Variants in KIAA0586 observed in about 807,000 individuals in gnomAD.
KIAA0586 encodes protein TALPID3.
A neutral mutation model predicts 169.8 loss-of-function variants in KIAA0586; 144 were observed. The observed-to-expected ratio is 0.85, with a 90% CI of 0.74 to 0.97. The LOEUF (loss-of-function observed/expected upper bound fraction) is 0.97. KIAA0586 is among the 50% of genes least tolerant of loss of function. The pLI is 0.00. For synonymous variants in KIAA0586, 625 were observed against 612.4 expected (o/e 1.02, Z -0.30); for missense variants, 1,854 against 1,823.0 (o/e 1.02, Z -0.31).
At chr14:58,525,835 A>G (rs992396907) in intron 29 of KIAA0586, among the ~76,000 whole-genome samples, 3 of 152,206 alleles carry the variant, frequency 2.0e-5, no homozygotes, top group Non-Finnish European at 4.4e-5. Flanking sequence ...CTGCCAGCAC[A>G]GCAGTCTGAA....
chr14:58,470,743 C>A lies in KIAA0586; in HGVS notation c.2553+20C>A. ...ATAAAGGTATATTTCAGAATTTTAT[C>A]ATATTATTTTGAGTAATGTCTGACT... On this transcript the variant is annotated intron_variant, in intron 17 of 30. Coordinates refer to ENST00000652326, the MANE Select transcript of KIAA0586 (RefSeq NM_001329943.3). 1 of 1,270,928 alleles carries A rather than the reference C, an allele frequency of 7.9e-7. No individual in the cohort carries two copies. Among genetic ancestry groups the A allele is most frequent in the Non-Finnish European group, 1.1e-6 (1 of 870,998 alleles). The allele number at this position is 1,270,928 out of a possible 1,614,324, so 78.7% of individuals were successfully genotyped here. A position where few individuals can be genotyped will look rare whatever the true frequency, so the allele number is the denominator to read the frequency against.
At chr14:58,441,458 C>A in intron 4 of KIAA0586, 1 of 238,534 alleles carries the variant, frequency 4.2e-6, no homozygotes, top group Non-Finnish European at 9.1e-6. Flanking sequence ...ACCTTGGCCT[C>A]CCAAAGTGCT....
chr14:58,493,619 G>C (rs551800559), intron 26 of KIAA0586, among the ~76,000 whole-genome samples: 14 of 152,136 alleles, frequency 9.2e-5, no homozygotes, highest in African/African-American at 3.4e-4. Context: ...GGTAGGAGAA[G>C]ATATAAAATT....
At chr14:58,487,783 T>C (rs2042563631) in intron 22 of KIAA0586, 104 bp from the exon 23 acceptor site, 2 of 653,338 alleles carry the variant, frequency 3.1e-6, no homozygotes, top group Admixed American at 2.9e-5. Context: ...CCATTATTTG[T>C]GTGCTAAAAT....
intron 29 of KIAA0586, among the ~76,000 whole-genome samples, chr14:58,519,831 T>A (rs1734103643): frequency 6.6e-6 from 1 of 152,178 alleles, no homozygotes; most frequent in African/African-American, 2.4e-5. Context: ...CAAACAACAT[T>A]TAATTCTGTT....
chr14:58,521,897 G>A (rs1476926532), intron 29 of KIAA0586: 2 of 1,323,870 alleles, frequency 1.5e-6, no homozygotes, highest in Non-Finnish European at 2.2e-6. Flanking sequence ...ATGAAGATGG[G>A]GGATGACCAG....
chr14:58,450,782 G>A, intron 8 of KIAA0586, 36 bp downstream of exon 8: 1 of 1,383,722 alleles, frequency 7.2e-7, no homozygotes, highest in Non-Finnish European at 1.0e-6. Context: ...TCCCAAATTA[G>A]GAAATTGTCA....
chr14:58,517,030 T>C (rs1284966828), intron 29 of KIAA0586, among the ~76,000 whole-genome samples: 1 of 152,132 alleles, frequency 6.6e-6, no homozygotes, highest in African/African-American at 2.4e-5. Context: ...AGCCTAAAAC[T>C]ACAAAACTTC....
intron 27 of KIAA0586, among the ~76,000 whole-genome samples, chr14:58,502,537 T>C (rs973851670): frequency 1.3e-5 from 2 of 152,126 alleles, no homozygotes; most frequent in Non-Finnish European, 2.9e-5. Context: ...ACTTAAGAGG[T>C]GACTTTTAAA....
At chr14:58,429,497 C>A in intron 2 of KIAA0586, 64 bp downstream of exon 2, 1 of 899,264 alleles carries the variant, frequency 1.1e-6, no homozygotes, top group Non-Finnish European at 1.9e-6. Flanking sequence ...ATAATGCATT[C>A]TTAAATTATG....
rs1187194371 is a variant in KIAA0586, at chr14:58,517,938, A to G, written c.4429+5311A>G. 2.6e-5 allele frequency among the ~76,000 whole-genome samples: 4 copies of G among 152,360 alleles called. No individual in the cohort carries two copies. In the East Asian group the frequency reaches 5.8e-4, roughly 22 times the overall value. ...AAAATTTATTGGAAAAGGCAAAACT[A>G]TAGATATGGAGAACAGGTCAGTGGT... On this transcript the variant is annotated intron_variant, in intron 29 of 30. Transcript: ENST00000652326.
intron 26 of KIAA0586, among the ~76,000 whole-genome samples, chr14:58,496,977 T>G (rs2043196706): frequency 2.6e-3 from 1 of 388 alleles, no homozygotes; most frequent in African/African-American, 3.3e-3. Context: ...TTAAAACAAT[T>G]TTTTTTTTTT....
intron 3 of KIAA0586, 114 bp downstream of exon 3, chr14:58,430,831 T>C: frequency 1.7e-6 from 1 of 602,034 alleles, no homozygotes; most frequent in Non-Finnish European, 2.9e-6. Flanking sequence ...TGTTGTACAA[T>C]CATCATCACC....
At chr14:58,560,608 T>C in the KIAA0586 span, among the ~76,000 whole-genome samples, 1 of 152,206 alleles carries the variant, frequency 6.6e-6, no homozygotes, top group Non-Finnish European at 1.5e-5. Context: ...TATATGAGCC[T>C]GAAAAAGGCC....
rs1332670556 is a variant in KIAA0586 at position 58,458,259 on chromosome 14, GATGAAAACTAATACC to G, written c.1584-205_1584-191del. 2.6e-5 allele frequency among the ~76,000 whole-genome samples: 4 copies of G among 152,042 alleles called. No individual in the cohort carries two copies. The East Asian group carries it at 7.7e-4, about 29-fold the overall frequency. ...TCAAACATTTATCCTTCAAATATTT[GATGAAAACTAATACC>G]ATGAAAACAAATAGCAAAGGTTTTT... On this transcript the variant is annotated intron_variant, in intron 11 of 30. Transcript: ENST00000652326.
chr14:58,450,702 A>C lies in KIAA0586; in HGVS notation c.1085A>C (p.Asn362Thr), dbSNP rs1262781531. ...SRDDELSKRE[N>T]LLEEKENMEV... ...GATGATGAACTATCAAAGAGGGAAAATCTTTTGGAAGAAAAAGAAAATATG... is the reference window on the plus strand; with the variant it reads ...GATGATGAACTATCAAAGAGGGAAACTCTTTTGGAAGAAAAAGAAAATATG... Residue 362 changes from asparagine to threonine, a missense_variant, in exon 8 of 31, where the codon AAT becomes ACT. Transcript: ENST00000652326. 6.2e-7 allele frequency: 1 copy of C among 1,609,068 alleles called. No homozygotes were observed. The highest frequency in any genetic ancestry group is 8.5e-7 in the Non-Finnish European group (1 of 1,175,808).
At chr14:58,484,901 T>TATTTATATATATTTTTATATATATATAA (rs2042298417) in intron 21 of KIAA0586, among the ~76,000 whole-genome samples, 1 of 4,954 alleles carries the variant, frequency 2.0e-4, no homozygotes, top group Non-Finnish European at 4.3e-4. Flanking sequence ...TATATATATA[T>TATTTATATATATTTTTATATATATATAA]ATATATATAT....
intron 29 of KIAA0586, among the ~76,000 whole-genome samples, chr14:58,523,822 C>T (rs958010788): frequency 3.8e-4 from 58 of 151,780 alleles, no homozygotes; most frequent in African/African-American, 1.3e-3. Flanking sequence ...CCTTGGCCTC[C>T]GTAAGTGCTG....
chr14:58,521,683 A>T, intron 29 of KIAA0586: 1 of 948,430 alleles, frequency 1.1e-6, no homozygotes, highest in South Asian at 1.3e-5. Context: ...TGACCCAGAT[A>T]AAACAAAAAG....
Sources: allele counts gnomAD v4.1 joint callset (sites outside exome capture counted in the v4.1 genomes callset), GRCh38; gene constraint gnomAD v4.1.1; transcripts MANE v1.5; gene names NCBI Gene and HGNC (gene_info 2026-07-23, HGNC 2026-07-21).